The following WWOX variants were observed in gnomAD, a reference collection of about 807,000 sequenced individuals.
WWOX encodes WW domain containing oxidoreductase.
WWOX carries 69 observed loss-of-function variants against 46.2 expected under a neutral mutation model. The observed-to-expected ratio is 1.49, with a 90% CI of 1.23 to 1.82. The LOEUF is 1.82. Among genes scored for constraint, WWOX ranks in the 40% most tolerant of loss-of-function variants. WWOX has a pLI of 0.00. For synonymous variants in WWOX, 359 were observed against 202.6 expected, an observed-to-expected ratio of 1.77 and a Z score of -6.56; for missense variants, 919 against 542.6, an observed-to-expected ratio of 1.69 and a Z score of -6.89.
chr16:78,511,325 C>A (rs993739726), intron 8 of WWOX, among the ~76,000 whole-genome samples: 13 of 152,198 alleles, frequency 8.5e-5, no homozygotes, highest in East Asian at 1.9e-4. Flanking sequence ...TCGGTCCAGA[C>A]ACTATGACCG....
chr16:78,541,540 A>G (rs2043895540), intron 8 of WWOX, among the ~76,000 whole-genome samples: 1 of 150,268 alleles, frequency 6.7e-6, no homozygotes, highest in Non-Finnish European at 1.5e-5. Context: ...TGACAGAAAT[A>G]CACTGAGATA....
At chr16:79,125,401 A>G (rs1007473672) in intron 8 of WWOX, among the ~76,000 whole-genome samples, 4 of 152,254 alleles carry the variant, frequency 2.6e-5, no homozygotes, top group South Asian at 2.1e-4. Flanking sequence ...GGGATGTGCA[A>G]AATAAGCCTT....
intron 8 of WWOX, among the ~76,000 whole-genome samples, chr16:78,527,156 A>C (rs373632970): frequency 1.1e-4 from 16 of 152,218 alleles, no homozygotes; most frequent in East Asian, 9.7e-4. Context: ...AGAGCGGGGT[A>C]AAAAAACAAC....
intron 8 of WWOX, among the ~76,000 whole-genome samples, chr16:78,732,832 C>G (rs182998100): frequency 6.6e-6 from 1 of 152,176 alleles, no homozygotes; most frequent in African/African-American, 2.4e-5. Flanking sequence ...TTCTGTAACT[C>G]TTAGGCAGGG....
chr16:79,142,997 C>G (rs921846280), intron 8 of WWOX, among the ~76,000 whole-genome samples: 4 of 152,094 alleles, frequency 2.6e-5, no homozygotes, highest in Admixed American at 2.0e-4. Context: ...AGCTACCACA[C>G]CCAGCCATTT....
At chr16:78,821,690 C>T (rs975452296) in intron 8 of WWOX, among the ~76,000 whole-genome samples, 1 of 152,138 alleles carries the variant, frequency 6.6e-6, no homozygotes, top group South Asian at 2.1e-4. Context: ...GACAGAGGCT[C>T]AGGGAACTCA....
chr16:78,548,385 G>T, intron 8 of WWOX, among the ~76,000 whole-genome samples: 1 of 151,946 alleles, frequency 6.6e-6, no homozygotes, highest in Non-Finnish European at 1.5e-5. Flanking sequence ...TGTGACTCAC[G>T]CAGAGCAGAA....
At chr16:78,099,907 C>T (rs1191260383) in intron 1 of WWOX, 22 bp downstream of exon 1, 2 of 1,551,334 alleles carry the variant, frequency 1.3e-6, no homozygotes, top group Non-Finnish European at 8.7e-7. Flanking sequence ...GCAGTGGGGC[C>T]GCGGACGCAC....
intron 8 of WWOX, among the ~76,000 whole-genome samples, chr16:78,476,282 G>C (rs886698449): frequency 2.0e-5 from 3 of 152,216 alleles, no homozygotes; most frequent in African/African-American, 7.2e-5. Flanking sequence ...CTTTTGAGAA[G>C]TGTCTGATCA....
chr16:78,862,314 G>A (rs192552693), intron 8 of WWOX, among the ~76,000 whole-genome samples: 2 of 150,796 alleles, frequency 1.3e-5, no homozygotes, highest in Non-Finnish European at 2.9e-5. Flanking sequence ...ACCTATGGGT[G>A]TGTCTTTCTA....
At chr16:78,922,569 G>C (rs978012280) in intron 8 of WWOX, among the ~76,000 whole-genome samples, 1 of 152,134 alleles carries the variant, frequency 6.6e-6, no homozygotes, top group Non-Finnish European at 1.5e-5. Flanking sequence ...AGTAGAGACA[G>C]GGTTTCACCA....
intron 8 of WWOX, among the ~76,000 whole-genome samples, chr16:78,900,325 C>G (rs886143565): frequency 2.0e-5 from 3 of 152,110 alleles, no homozygotes; most frequent in African/African-American, 7.2e-5. Flanking sequence ...AAATCTATGC[C>G]TTAAGCCCAA....
At chr16:78,153,863 C>G (rs1383212272) in intron 4 of WWOX, among the ~76,000 whole-genome samples, 1 of 152,176 alleles carries the variant, frequency 6.6e-6, no homozygotes, top group Non-Finnish European at 1.5e-5. Flanking sequence ...CCAGAAGGAA[C>G]CTTCCTGGCA....
At position 78,424,971 on chromosome 16, in the gene WWOX, A is replaced by T; in HGVS notation, c.707A>T (p.His236Leu). Residue 236 changes from histidine to leucine, a missense_variant, in exon 7 of 9, where the codon CAC becomes CTC. His to Leu is a moderately conservative substitution (Grantham distance 99). Transcript: ENST00000566780. ...ETTFQVNHLG[H>L]FYLVQLLQDV... ...ACCTTTCAAGTGAATCATCTGGGGC[A>T]CTTCTACCTTGTCCAGCTCCTCCAG... 1 of 1,614,098 alleles carries T rather than the reference A, an allele frequency of 6.2e-7. No individual in the cohort carries two copies.
At chr16:79,209,522 G>C (rs1217725031) in intron 8 of WWOX, among the ~76,000 whole-genome samples, 1 of 152,176 alleles carries the variant, frequency 6.6e-6, no homozygotes, top group African/African-American at 2.4e-5. Context: ...GAGGGCGGGA[G>C]GCTGGACTTG....
chr16:78,275,241 A>G (rs1030782193), intron 5 of WWOX, among the ~76,000 whole-genome samples: 3 of 152,080 alleles, frequency 2.0e-5, no homozygotes, highest in African/African-American at 7.2e-5. Context: ...TAAAGTTCGC[A>G]TAAAAACCTG....
At chr16:78,960,826 A>G (rs1435661184) in intron 8 of WWOX, among the ~76,000 whole-genome samples, 2 of 152,138 alleles carry the variant, frequency 1.3e-5, no homozygotes, top group Non-Finnish European at 2.9e-5. Flanking sequence ...ATCCTGTTTT[A>G]CTGAATCTCT....
chr16:78,947,098 G>T (rs1243281333), intron 8 of WWOX, among the ~76,000 whole-genome samples: 1 of 147,740 alleles, frequency 6.8e-6, no homozygotes, highest in South Asian at 2.1e-4. Flanking sequence ...ATAAATCCCT[G>T]TGGAAAAAAA....
At chr16:78,721,940 C>T (rs766235748) in intron 8 of WWOX, among the ~76,000 whole-genome samples, 3 of 152,202 alleles carry the variant, frequency 2.0e-5, no homozygotes, top group African/African-American at 4.8e-5. Context: ...ATGTGACTTT[C>T]CTTTGCTACT....
Sources: allele counts gnomAD v4.1 joint callset (sites outside exome capture counted in the v4.1 genomes callset), GRCh38; gene constraint gnomAD v4.1.1; transcripts MANE v1.5; gene names NCBI Gene and HGNC (gene_info 2026-07-23, HGNC 2026-07-21).